Variants in PEMT observed in about 807,000 individuals in gnomAD.
The protein encoded by PEMT is phospholipid methyltransferase.
A neutral mutation model predicts 27.4 loss-of-function variants in PEMT; 23 were observed. The ratio of observed to expected loss-of-function variants is 0.84; its 90% confidence interval spans 0.60 to 1.19. PEMT has a LOEUF of 1.19. PEMT is among the 50% of genes most tolerant of loss of function. The pLI, the probability that PEMT is intolerant of heterozygous loss-of-function variation, is 0.00. For synonymous variants in PEMT, 137 were observed against 139.1 expected, an observed-to-expected ratio of 0.98 and a Z score of 0.11; for missense variants, 307 against 310.1, an observed-to-expected ratio of 0.99 and a Z score of 0.07.
intron 1 of PEMT, among the ~76,000 whole-genome samples, chr17:17,588,714 G>A (rs1407640487): frequency 1.3e-5 from 2 of 152,186 alleles, no homozygotes; most frequent in Admixed American, 6.5e-5. Context: ...CTGGGTGCCC[G>A]CACCCCTAGG....
chr17:17,586,292 A>G (rs9895028), intron 1 of PEMT, among the ~76,000 whole-genome samples: 2,376 of 106,628 alleles, frequency 0.022, 105 homozygotes, highest in African/African-American at 0.072. Flanking sequence ...AAGAAAGAAA[A>G]AAAAAAACGC....
intron 2 of PEMT, among the ~76,000 whole-genome samples, chr17:17,567,681 G>A (rs1910921913): frequency 6.6e-6 from 1 of 152,258 alleles, no homozygotes; most frequent in Admixed American, 6.5e-5. Context: ...GCCCAGACAG[G>A]AGCGGGGGAG....
chr17:17,519,098 C>T (rs1907072987), intron 3 of PEMT: 1 of 152,194 alleles, frequency 6.6e-6, no homozygotes, highest in Non-Finnish European at 1.5e-5. Flanking sequence ...GGAGCTGGTC[C>T]CGAGGGTCCT....
intron 4 of PEMT, 43 bp from the exon 5 acceptor site, chr17:17,509,588 C>T: frequency 7.5e-7 from 1 of 1,333,110 alleles, no homozygotes; most frequent in Non-Finnish European, 1.1e-6. Flanking sequence ...ATTCATCAGC[C>T]CTGGCCACAC....
chr17:17,591,522 G>C lies in PEMT; in HGVS notation c.96+9C>G. ...CCCAGTTTCCGCGGCGGTCCGGTGC[G>C]GTCAGTACCTGTCTAAAATCAATAT... On this transcript the variant is annotated intron_variant, in intron 1 of 6. Transcript: ENST00000255389. 3 of 1,605,058 alleles carry C rather than the reference G, an allele frequency of 1.9e-6. No individual in the cohort carries two copies. The South Asian group carries it at 3.3e-5, about 18-fold the overall frequency.
At chr17:17,524,177 C>T (rs965701854) in intron 2 of PEMT, among the ~76,000 whole-genome samples, 4 of 152,154 alleles carry the variant, frequency 2.6e-5, no homozygotes, top group Admixed American at 2.0e-4. Flanking sequence ...ACTTAGGTTG[C>T]GTTAGCAGCA....
chr17:17,517,725 G>A (rs1344676448), intron 3 of PEMT, among the ~76,000 whole-genome samples: 1 of 152,210 alleles, frequency 6.6e-6, no homozygotes, highest in African/African-American at 2.4e-5. Flanking sequence ...CTGCCCCACG[G>A]CCTCTAGTAT....
intron 1 of PEMT, chr17:17,578,703 G>C (rs1911782675): frequency 6.6e-6 from 1 of 152,028 alleles, no homozygotes; most frequent in Non-Finnish European, 1.5e-5. Flanking sequence ...CTGCACAAGG[G>C]TGACACATAC....
In PEMT at chr17:17,507,055, C is replaced by G. The variant is rs70965426; in HGVS notation, c.579-754G>C. On this transcript the variant is annotated intron_variant, in intron 5 of 6. Coordinates refer to ENST00000255389, the MANE Select transcript of PEMT (RefSeq NM_148172.3). ...GTGACCAGCTCCTGACCCCGCCACA[C>G]CAGTAAGCAGCGGCAGCTCGTCAGT... 460 of 1,020,804 alleles carry G rather than the reference C, an allele frequency of 4.5e-4. 1 individual carries two copies. The African/African-American group carries it at 6.4e-3, about 14-fold the overall frequency. 63.2% of individuals were successfully genotyped at this position (1,020,804 alleles called of 1,614,324 possible). A position where few individuals can be genotyped will look rare whatever the true frequency, so the allele number is the denominator to read the frequency against.
In PEMT at chr17:17,532,971, G is replaced by A. The variant is rs1021437944; in HGVS notation, c.205-10576C>T. The stretch of plus-strand genomic sequence containing the variant: ...GAACTCGGGAGGCAGAGGTTGCAGT[G>A]AGCCGAGATCGTGCTATCGCACTCC... On this transcript the variant is annotated intron_variant, in intron 2 of 6. Coordinates refer to ENST00000255389, the MANE Select transcript of PEMT (RefSeq NM_148172.3). Among the ~76,000 whole-genome samples, 18 of 152,252 alleles carry A rather than the reference G, an allele frequency of 1.2e-4. 1 individual carries two copies. Among genetic ancestry groups the A allele is most frequent in the African/African-American group, 4.3e-4 (18 of 41,472 alleles).
chr17:17,556,661 G>T (rs906009379), intron 2 of PEMT, among the ~76,000 whole-genome samples: 1 of 152,044 alleles, frequency 6.6e-6, no homozygotes, highest in East Asian at 1.9e-4. Flanking sequence ...GGTGTGAGCC[G>T]CTGCGCCTGG....
chr17:17,538,055 C>G (rs4646391), intron 2 of PEMT, among the ~76,000 whole-genome samples: 73,661 of 151,790 alleles, frequency 0.49, 18,105 homozygotes, highest in Non-Finnish European at 0.54. Context: ...CCCGTCCTTG[C>G]TGTCTGAGGT....
At chr17:17,588,620 G>T (rs370046684) in intron 1 of PEMT, among the ~76,000 whole-genome samples, 2 of 152,182 alleles carry the variant, frequency 1.3e-5, no homozygotes, top group Non-Finnish European at 2.9e-5. Flanking sequence ...ACCCGCTCTG[G>T]TGAGCAGGTG....
chr17:17,524,443 T>C (rs1907519069), intron 2 of PEMT, among the ~76,000 whole-genome samples: 1 of 151,996 alleles, frequency 6.6e-6, no homozygotes, highest in African/African-American at 2.4e-5. Context: ...CACCAGTTAT[T>C]TTCCCTTTTC....
rs186172656 is a variant in PEMT at position 17,582,979 on chromosome 17, T to C, written c.97-5952A>G. Among the ~76,000 whole-genome samples, 1,031 of 152,074 alleles carry C rather than the reference T, an allele frequency of 6.8e-3. 37 individuals are homozygous for C. Among genetic ancestry groups the C allele is most frequent in the Admixed American group, 0.059 (901 of 15,266 alleles). The stretch of plus-strand genomic sequence containing the variant: ...GGGGAGGCTGAGGCAGAAGAATCAC[T>C]TGAACCTGGGAGGCAGAGGTTGCAG... On this transcript the variant is annotated intron_variant, in intron 1 of 6. Transcript: ENST00000255389. This position sits in a 1 kb window ranked among gnomAD's most constrained non-coding sequence, Gnocchi z 4.9.
At chr17:17,536,396 T>C (rs1429251932) in intron 2 of PEMT, among the ~76,000 whole-genome samples, 7 of 152,106 alleles carry the variant, frequency 4.6e-5, no homozygotes, top group Non-Finnish European at 1.0e-4. Flanking sequence ...CGGGACCATC[T>C]CCCCTCACTC....
intron 2 of PEMT, among the ~76,000 whole-genome samples, chr17:17,566,987 G>A (rs541156745): frequency 3.4e-4 from 52 of 152,330 alleles, no homozygotes; most frequent in African/African-American, 9.6e-4. Context: ...GCCCAGGGCC[G>A]CACGCTGCCT....
rs1257890304 is a variant in PEMT, at chr17:17,582,845, C to G, written c.97-5818G>C. Among the ~76,000 whole-genome samples, 1 of 152,180 alleles carries G rather than the reference C, an allele frequency of 6.6e-6. No homozygotes were observed. Among genetic ancestry groups the G allele is most frequent in the Non-Finnish European group, 1.5e-5 (1 of 68,038 alleles). ...TTGGGAGGCCTAGGCAGGCGGATCACAAGGCCAGGAGTCAGAGATCAGCCT... is the reference window on the plus strand; with the variant it reads ...TTGGGAGGCCTAGGCAGGCGGATCAGAAGGCCAGGAGTCAGAGATCAGCCT... On this transcript the variant is annotated intron_variant, in intron 1 of 6. Transcript: ENST00000255389. The surrounding 1 kb of genome is among the most constrained non-coding windows in gnomAD (Gnocchi z 4.9).
At chr17:17,575,768 C>G (rs549336280) in intron 2 of PEMT, among the ~76,000 whole-genome samples, 1 of 152,300 alleles carries the variant, frequency 6.6e-6, no homozygotes, top group African/African-American at 2.4e-5. Context: ...CCTTGTGGGC[C>G]GCCAGAGCAT....
Sources: gnomAD v4.1 joint callset for allele counts (sites outside exome capture counted in the v4.1 genomes callset) on GRCh38, gnomAD v4.1.1 for gene constraint, Gnocchi (gnomAD v3.1) non-coding constraint, MANE v1.5 for transcripts, NCBI Gene and HGNC (gene_info 2026-07-23, HGNC 2026-07-21) for gene names.